The following GMDS variants were observed in gnomAD, a reference collection of about 807,000 sequenced individuals.
GMDS encodes GDP-mannose 4,6 dehydratase.
In GMDS, 20 loss-of-function variants were observed where a neutral mutation model predicts 49.9. That is an observed-to-expected ratio of 0.40 (90% CI 0.28 to 0.58). GMDS has a LOEUF of 0.58. GMDS is among the 20% of genes least tolerant of loss of function. GMDS has a pLI of 0.42. For synonymous variants in GMDS, 177 were observed against 178.6 expected (o/e 0.99, Z 0.07); for missense variants, 362 against 481.4 (o/e 0.75, Z 2.32).
intron 6 of GMDS, among the ~76,000 whole-genome samples, chr6:1,957,729 C>A (rs1040390093): frequency 1.3e-5 from 2 of 152,130 alleles, no homozygotes; most frequent in Admixed American, 1.3e-4. Flanking sequence ...GCAGTTATCA[C>A]GAGGGTGGGA....
intron 7 of GMDS, among the ~76,000 whole-genome samples, chr6:1,761,068 G>A (rs1394162063): frequency 6.6e-6 from 1 of 152,170 alleles, no homozygotes; most frequent in African/African-American, 2.4e-5. Context: ...CATGCAAAGA[G>A]TCATCTAGAG....
intron 7 of GMDS, among the ~76,000 whole-genome samples, chr6:1,804,965 G>A (rs916855556): frequency 6.6e-6 from 1 of 152,144 alleles, no homozygotes; most frequent in African/African-American, 2.4e-5. Context: ...TAAGTATCCT[G>A]TAGCCAACCT....
rs1293053147 is a variant in GMDS, at chr6:2,191,170, T to C, written c.102+54151A>G. Among the ~76,000 whole-genome samples, 3 of 151,928 alleles carry C rather than the reference T, an allele frequency of 2.0e-5. No homozygotes were observed. The highest frequency in any genetic ancestry group is 2.9e-5 in the Non-Finnish European group (2 of 67,932). On this transcript the variant is annotated intron_variant, in intron 1 of 10. Coordinates refer to ENST00000380815, the MANE Select transcript of GMDS (RefSeq NM_001500.4). The surrounding 1 kb of genome is among the most constrained non-coding windows in gnomAD (Gnocchi z 4.6). ...CTCTGCACAGGGCCACCCACAGCCA[T>C]GTCCCCAGGGGTCCGCCCCGCATGG...
At chr6:1,696,223 A>C (rs1138803) in intron 9 of GMDS, among the ~76,000 whole-genome samples, 1 of 151,974 alleles carries the variant, frequency 6.6e-6, no homozygotes, top group Admixed American at 6.5e-5. Context: ...GGAAGTGACA[A>C]CTCAGGCTTG....
chr6:1,742,610 C>A, intron 7 of GMDS, 24 bp from the exon 8 acceptor site: 1 of 1,305,572 alleles, frequency 7.7e-7, no homozygotes, highest in South Asian at 1.2e-5. Context: ...GAGGCAAGTT[C>A]ACTTTGAAGT....
At chr6:1,681,651 A>C (rs927422115) in intron 9 of GMDS, among the ~76,000 whole-genome samples, 1 of 152,152 alleles carries the variant, frequency 6.6e-6, no homozygotes, top group Admixed American at 6.5e-5. Flanking sequence ...AGCAACCCCC[A>C]CCATAAAGTG....
chr6:1,763,728 C>T (rs931910383), intron 7 of GMDS, among the ~76,000 whole-genome samples: 1 of 152,224 alleles, frequency 6.6e-6, no homozygotes, highest in Non-Finnish European at 1.5e-5. Context: ...ATCATGGTGG[C>T]ATGAAATCTA....
At chr6:1,970,228 G>A (rs1764521708) in intron 4 of GMDS, among the ~76,000 whole-genome samples, 1 of 152,210 alleles carries the variant, frequency 6.6e-6, no homozygotes, top group Non-Finnish European at 1.5e-5. Context: ...CATGATACCA[G>A]TGAGCTGGAA....
intron 8 of GMDS, among the ~76,000 whole-genome samples, chr6:1,738,170 C>T (rs1468079593): frequency 6.7e-6 from 1 of 149,080 alleles, no homozygotes; most frequent in African/African-American, 2.6e-5. Flanking sequence ...CACACAGACA[C>T]ATACACACAC....
At chr6:1,735,130 T>C (rs1017982741) in intron 8 of GMDS, among the ~76,000 whole-genome samples, 1 of 152,178 alleles carries the variant, frequency 6.6e-6, no homozygotes. Context: ...GGGGCCACAG[T>C]GAGTAGGTGT....
At chr6:2,201,495 A>G (rs1779530905) in intron 1 of GMDS, among the ~76,000 whole-genome samples, 1 of 123,356 alleles carries the variant, frequency 8.1e-6, no homozygotes, top group African/African-American at 3.1e-5. Context: ...TGAGGGCAGC[A>G]TGTTAGCAGA....
Position 1,833,475 on chromosome 6 carries a change from A to T in GMDS, c.772-90889T>A, listed in dbSNP as rs1247862592. On this transcript the variant is annotated intron_variant, in intron 7 of 10. Transcript: ENST00000380815. The surrounding 1 kb of genome is among the most constrained non-coding windows in gnomAD (Gnocchi z 4.4). The stretch of plus-strand genomic sequence containing the variant: ...ATAAAAACTTTATAAGGTGAAATCT[A>T]AATCCTGAATGCAGCACACATTTTT... Among the ~76,000 whole-genome samples the T allele has an allele frequency of 2.0e-5, 3 of 152,200 alleles. No homozygotes were observed. The highest frequency in any genetic ancestry group is 2.9e-5 in the Non-Finnish European group (2 of 68,026).
chr6:1,894,289 G>A (rs1212211773), intron 7 of GMDS, among the ~76,000 whole-genome samples: 1 of 152,130 alleles, frequency 6.6e-6, no homozygotes, highest in African/African-American at 2.4e-5. Context: ...GAATTCCAAT[G>A]GAAGAATGAT....
intron 4 of GMDS, among the ~76,000 whole-genome samples, chr6:2,041,857 T>C (rs1198214768): frequency 6.6e-6 from 1 of 152,132 alleles, no homozygotes; most frequent in Non-Finnish European, 1.5e-5. Flanking sequence ...GAAGTGGAGA[T>C]AAAGTAAACA....
intron 4 of GMDS, among the ~76,000 whole-genome samples, chr6:1,969,127 T>A (rs1764440644): frequency 6.6e-6 from 1 of 151,390 alleles, no homozygotes; most frequent in African/African-American, 2.4e-5. Flanking sequence ...CTGGGCATGG[T>A]GGCAGGTGCC....
intron 7 of GMDS, among the ~76,000 whole-genome samples, chr6:1,895,955 G>C (rs182439932): frequency 2.0e-4 from 31 of 152,244 alleles, no homozygotes; most frequent in African/African-American, 7.2e-4. Flanking sequence ...CACAGTGCAG[G>C]CACTGAAGCT....
At chr6:1,962,732 T>C (rs1048886802) in intron 4 of GMDS, among the ~76,000 whole-genome samples, 1 of 152,098 alleles carries the variant, frequency 6.6e-6, no homozygotes, top group Non-Finnish European at 1.5e-5. Context: ...AATTGGGTCA[T>C]TTGTTGAGCT....
intron 1 of GMDS, among the ~76,000 whole-genome samples, chr6:2,159,535 T>C (rs1039968518): frequency 1.8e-4 from 27 of 147,568 alleles, no homozygotes; most frequent in Admixed American, 4.7e-4. Context: ...TTTTTTTTTT[T>C]TGAGACAGAG....
At chr6:2,158,849 G>C (rs916439663) in intron 1 of GMDS, among the ~76,000 whole-genome samples, 2 of 152,218 alleles carry the variant, frequency 1.3e-5, no homozygotes, top group East Asian at 3.8e-4. Flanking sequence ...GTCCACGGTG[G>C]TTAATTCCTT....
Sources: allele counts gnomAD v4.1 joint callset (sites outside exome capture counted in the v4.1 genomes callset), GRCh38; gene constraint gnomAD v4.1.1; non-coding constraint Gnocchi (gnomAD v3.1); transcripts MANE v1.5; gene names NCBI Gene and HGNC (gene_info 2026-07-23, HGNC 2026-07-21).